Variants in ANO2 observed in about 807,000 individuals in gnomAD.
The protein encoded by ANO2 is anoctamin-2.
A neutral mutation model predicts 124.2 loss-of-function variants in ANO2; 101 were observed. The ratio of observed to expected loss-of-function variants is 0.81; its 90% confidence interval spans 0.69 to 0.96. The LOEUF is 0.96. ANO2 is among the 40% of genes least tolerant of loss of function. The probability of loss-of-function intolerance (pLI) is 0.00; values close to 1 mark genes in which losing one functional copy is unlikely to be tolerated. For synonymous variants in ANO2, 486 were observed against 482.5 expected (o/e 1.01, Z -0.09); for missense variants, 1,293 against 1,274.5 (o/e 1.01, Z -0.22).
chr12:5,800,774 G>A (rs951525124), intron 9 of ANO2, among the ~76,000 whole-genome samples: 5 of 152,196 alleles, frequency 3.3e-5, no homozygotes, highest in Non-Finnish European at 7.3e-5. Flanking sequence ...GGGGCATGGT[G>A]AGCAGCTAGA....
rs1281922984 is a variant in ANO2 at position 5,750,898 on chromosome 12, A to G, written c.1128T>C (p.Ser376=). 1 of 1,612,032 alleles carries G rather than the reference A, an allele frequency of 6.2e-7. No individual in the cohort carries two copies. Among genetic ancestry groups the G allele is most frequent in the African/African-American group, 1.3e-5 (1 of 74,930 alleles). ...GAAACACAATCACTCCAATTACAGA[A>G]GATGGGATGAGGAATGATGTATATA... ...LGLYTSFLIP[S]SVIGVIVFLY... The change falls in exon 11 of 25, where the codon TCT becomes TCC. Residue 376 remains serine (S), a synonymous_variant. Transcript: ENST00000682330.
chr12:5,786,083 G>A (rs1056929987), intron 10 of ANO2, among the ~76,000 whole-genome samples: 4 of 152,188 alleles, frequency 2.6e-5, no homozygotes, highest in East Asian at 3.9e-4. Flanking sequence ...GACAGGGGGC[G>A]GTGCCCCTGG....
intron 14 of ANO2, among the ~76,000 whole-genome samples, chr12:5,714,644 C>T (rs1395478226): frequency 6.6e-6 from 1 of 152,178 alleles, no homozygotes; most frequent in Non-Finnish European, 1.5e-5. Context: ...TCCTCCTATT[C>T]TTTCTCTTTA....
chr12:5,689,694 C>G (rs746503354), intron 14 of ANO2, among the ~76,000 whole-genome samples: 28 of 152,132 alleles, frequency 1.8e-4, no homozygotes, highest in South Asian at 2.1e-4. Flanking sequence ...GACACGGACT[C>G]CTGTAGGGGA....
At chr12:5,894,684 G>C (rs1265071504) in intron 3 of ANO2, among the ~76,000 whole-genome samples, 3 of 152,180 alleles carry the variant, frequency 2.0e-5, no homozygotes, top group African/African-American at 7.2e-5. Flanking sequence ...GTAAGGAAGG[G>C]ATCCAGTTTC....
intron 19 of ANO2, among the ~76,000 whole-genome samples, chr12:5,601,802 T>C (rs1943953848): frequency 6.6e-6 from 1 of 152,128 alleles, no homozygotes; most frequent in African/African-American, 2.4e-5. Flanking sequence ...ATGAATATAG[T>C]AGTGTGTGAG....
intron 3 of ANO2, among the ~76,000 whole-genome samples, chr12:5,891,908 C>A (rs2136273088): frequency 6.6e-6 from 1 of 152,122 alleles, no homozygotes; most frequent in East Asian, 1.9e-4. Flanking sequence ...AATTACTGAA[C>A]ATACAAAGAA....
intron 6 of ANO2, among the ~76,000 whole-genome samples, chr12:5,828,036 C>T (rs979027674): frequency 6.6e-6 from 1 of 152,204 alleles, no homozygotes; most frequent in African/African-American, 2.4e-5. Context: ...GCGCACACAT[C>T]CCCCGCCCCT....
chr12:5,927,529 C>T (rs909407061), intron 1 of ANO2, among the ~76,000 whole-genome samples: 4 of 152,192 alleles, frequency 2.6e-5, no homozygotes, highest in Non-Finnish European at 4.4e-5. Context: ...TGCCCAAAGC[C>T]CCTCCCCAGC....
chr12:5,765,043 C>T (rs775089578), intron 10 of ANO2, among the ~76,000 whole-genome samples: 3 of 152,126 alleles, frequency 2.0e-5, no homozygotes, highest in Admixed American at 6.5e-5. Context: ...ATGCTATCAG[C>T]CAGAGAGGCA....
At chr12:5,876,594 T>C (rs559725936) in intron 3 of ANO2, among the ~76,000 whole-genome samples, 1 of 152,178 alleles carries the variant, frequency 6.6e-6, no homozygotes, top group Non-Finnish European at 1.5e-5. Flanking sequence ...TGCCCATCAA[T>C]GATAGACTGG....
chr12:5,772,283 T>C (rs1438457554), intron 10 of ANO2, among the ~76,000 whole-genome samples: 1 of 152,148 alleles, frequency 6.6e-6, no homozygotes, highest in Non-Finnish European at 1.5e-5. Context: ...GAAAACCCAA[T>C]GTTAAAAGGG....
intron 3 of ANO2, among the ~76,000 whole-genome samples, chr12:5,910,971 G>A (rs1015515914): frequency 6.6e-6 from 1 of 152,116 alleles, no homozygotes; most frequent in African/African-American, 2.4e-5. Flanking sequence ...ATCTGACAAG[G>A]GTAGGAAACA....
At chr12:5,919,397 T>C (rs59890434) in intron 3 of ANO2, among the ~76,000 whole-genome samples, 1,571 of 102,348 alleles carry the variant, frequency 0.015, no homozygotes, top group South Asian at 0.022. Context: ...GAAAGGGCAA[T>C]AGCACAAAGA....
chr12:5,832,413 C>A lies in ANO2; in HGVS notation c.785+39G>T, dbSNP rs769780717. ...AACAGTATTCAATTTTCCTTCCTAT[C>A]CCTTCCCACATCTCTGCTCCAGCAG... On this transcript the variant is annotated intron_variant, in intron 5 of 24. Transcript: ENST00000682330. 9.9e-6 allele frequency: 16 copies of A among 1,611,714 alleles called. No homozygotes were observed. In the South Asian group the frequency reaches 1.8e-4, roughly 18 times the overall value.
intron 7 of ANO2, among the ~76,000 whole-genome samples, chr12:5,821,936 C>A: frequency 6.6e-6 from 1 of 152,048 alleles, no homozygotes; most frequent in Non-Finnish European, 1.5e-5. Flanking sequence ...GTCTCTTCCC[C>A]AGTCTACACC....
intron 3 of ANO2, among the ~76,000 whole-genome samples, chr12:5,897,441 C>T (rs143545795): frequency 2.0e-3 from 311 of 152,256 alleles, no homozygotes; most frequent in African/African-American, 7.2e-3. Context: ...TTGGAGTAGG[C>T]TGAGTGACAG....
intron 20 of ANO2, among the ~76,000 whole-genome samples, chr12:5,581,917 G>T (rs1355504446): frequency 6.6e-6 from 1 of 152,210 alleles, no homozygotes; most frequent in African/African-American, 2.4e-5. Context: ...ACCCAAAGAG[G>T]CAGAAACAAA....
intron 10 of ANO2, among the ~76,000 whole-genome samples, chr12:5,782,651 A>G (rs1487064111): frequency 2.0e-5 from 3 of 152,198 alleles, no homozygotes; most frequent in African/African-American, 7.2e-5. Flanking sequence ...AGATGTAGAC[A>G]TAGGAAATCT....
Sources: gnomAD v4.1 joint callset for allele counts (sites outside exome capture counted in the v4.1 genomes callset) on GRCh38, gnomAD v4.1.1 for gene constraint, MANE v1.5 for transcripts, NCBI Gene and HGNC (gene_info 2026-07-23, HGNC 2026-07-21) for gene names.